Variants in BARD1 observed in about 807,000 individuals in gnomAD.
The protein encoded by BARD1 is BRCA1-associated RING domain protein 1.
A neutral mutation model predicts 77.0 loss-of-function variants in BARD1; 73 were observed. The observed-to-expected ratio is 0.95, with a 90% confidence interval of 0.79 to 1.15. The LOEUF (loss-of-function observed/expected upper bound fraction) is 1.15. Among genes scored for constraint, BARD1 ranks in the 50% most tolerant of loss-of-function variants. The pLI is 0.00. For synonymous variants in BARD1, 384 were observed against 338.0 expected, an observed-to-expected ratio of 1.14 and a Z score of -1.49; for missense variants, 993 against 938.8, an observed-to-expected ratio of 1.06 and a Z score of -0.75.
chr2:214,767,241 A>G (rs1694245378), intron 6 of BARD1, among the ~76,000 whole-genome samples: 1 of 152,096 alleles, frequency 6.6e-6, no homozygotes, highest in South Asian at 2.1e-4. Flanking sequence ...TTTCCCAATT[A>G]TTTTTGATCT....
chr2:214,808,236 C>T (rs1696366639), intron 1 of BARD1, among the ~76,000 whole-genome samples: 1 of 152,140 alleles, frequency 6.6e-6, no homozygotes, highest in African/African-American at 2.4e-5. Context: ...GGTGAAACCC[C>T]ATCTGTACTA....
At chr2:214,732,397 CTT>C (rs573147676) in intron 9 of BARD1, among the ~76,000 whole-genome samples, 2 of 142,020 alleles carry the variant, frequency 1.4e-5, no homozygotes. Context: ...ATTTTTTTTT[CTT>C]TTTTTTTTTT....
chr2:214,753,378 T>C (rs1174936266), intron 6 of BARD1, among the ~76,000 whole-genome samples: 4 of 152,190 alleles, frequency 2.6e-5, no homozygotes, highest in Non-Finnish European at 5.9e-5. Flanking sequence ...CAGAATATGA[T>C]TTAAATACAC....
intron 10 of BARD1, among the ~76,000 whole-genome samples, chr2:214,729,964 C>T (rs1039217329): frequency 3.9e-5 from 6 of 152,054 alleles, no homozygotes; most frequent in African/African-American, 1.4e-4. Flanking sequence ...CTTCCGTATG[C>T]TCGTTGGAAA....
intron 6 of BARD1, 150 bp downstream of exon 6, chr2:214,767,332 A>G (rs1244437131): frequency 1.2e-5 from 9 of 760,862 alleles, no homozygotes; most frequent in East Asian, 2.7e-5. Flanking sequence ...AAGGCTGATT[A>G]TGAGTGCAGA....
intron 5 of BARD1, among the ~76,000 whole-genome samples, 199 bp downstream of exon 5, chr2:214,769,033 A>G (rs943626627): frequency 6.6e-6 from 1 of 152,234 alleles, no homozygotes; most frequent in African/African-American, 2.4e-5. Context: ...GTAGTCTGTC[A>G]AAAGGTAACC....
Position 214,741,799 on chromosome 2 carries a change from T to A in BARD1, c.1903+3268A>T, listed in dbSNP as rs564366016. Reference sequence around the variant, plus strand: ...GAATCCTCATGCTAAGTTCATTAATTATGGCACTGTAAGATACTCTGTATA... The same window carrying A: ...GAATCCTCATGCTAAGTTCATTAATAATGGCACTGTAAGATACTCTGTATA... On this transcript the variant is annotated intron_variant, in intron 9 of 10. Coordinates refer to ENST00000260947, the MANE Select transcript of BARD1 (RefSeq NM_000465.4). Among the ~76,000 whole-genome samples the A allele has an allele frequency of 1.1e-4, 17 of 152,286 alleles. No individual in the cohort carries two copies. The East Asian group carries it at 2.9e-3, about 26-fold the overall frequency.
At chr2:214,779,410 C>T (rs567920231) in intron 4 of BARD1, among the ~76,000 whole-genome samples, 2 of 152,162 alleles carry the variant, frequency 1.3e-5, no homozygotes, top group South Asian at 2.1e-4. Context: ...TTTTTTATTG[C>T]GTATTGTTAT....
chr2:214,791,587 C>T (rs1216073023), intron 3 of BARD1, among the ~76,000 whole-genome samples: 1 of 152,162 alleles, frequency 6.6e-6, no homozygotes, highest in African/African-American at 2.4e-5. Context: ...GAAAGATACA[C>T]AGTTAATACA....
Position 214,809,478 on chromosome 2 carries a change from C to T in BARD1, c.92G>A (p.Arg31His). Reference sequence around the variant, plus strand: ...GGCGCGACTGTGGGCCCAGGCACCGCGACCATCCGGTTCCATGGCGGGCGC... The same window carrying T: ...GGCGCGACTGTGGGCCCAGGCACCGTGACCATCCGGTTCCATGGCGGGCGC... Reference protein sequence around the residue: ...RSAPAMEPDGRGAWAHSRAAL... With the variant: ...RSAPAMEPDGHGAWAHSRAAL... The change falls in exon 1 of 11, where the codon CGC becomes CAC. Residue 31 changes from arginine (R) to histidine (H), a missense_variant. Transcript: ENST00000260947. The T allele has an allele frequency of 6.2e-7, 1 of 1,609,930 alleles. No homozygotes were observed. Among genetic ancestry groups the T allele is most frequent in the Non-Finnish European group, 8.5e-7 (1 of 1,179,168 alleles).
intron 9 of BARD1, chr2:214,730,885 A>T (rs1328909651): frequency 2.2e-6 from 1 of 458,878 alleles, no homozygotes; most frequent in Non-Finnish European, 4.4e-6. Flanking sequence ...TCCATGACAC[A>T]ATAACCTAAA....
Position 214,769,296 on chromosome 2 carries a change from A to C in BARD1, c.1331T>G (p.Val444Gly), listed in dbSNP as rs1326325978. 1.2e-6 allele frequency: 2 copies of C among 1,613,276 alleles called. No homozygotes were observed. Among genetic ancestry groups the C allele is most frequent in the Non-Finnish European group, 1.7e-6 (2 of 1,179,342 alleles). The change falls in exon 5 of 11, where the codon GTT (valine) becomes GGT (glycine). Residue 444 changes from valine to glycine, a missense_variant. Val to Gly is a moderately radical substitution (Grantham distance 109, BLOSUM62 -3). Coordinates refer to ENST00000260947, the MANE Select transcript of BARD1 (RefSeq NM_000465.4). ...IASIKGDIPS[V>G]EYLLQNGSDP... ...ACTTCCATTTTGTAAAAGGTATTCA[A>C]CAGAAGGTATGTCGCCCTAGAAAAA...
At chr2:214,790,502 G>C (rs1463049450) in intron 3 of BARD1, among the ~76,000 whole-genome samples, 1 of 152,088 alleles carries the variant, frequency 6.6e-6, no homozygotes, top group Non-Finnish European at 1.5e-5. Flanking sequence ...GCCTAAAACA[G>C]GTTCTGTCTC....
intron 6 of BARD1, among the ~76,000 whole-genome samples, chr2:214,755,656 T>C (rs1289305338): frequency 6.6e-6 from 1 of 152,088 alleles, no homozygotes; most frequent in Non-Finnish European, 1.5e-5. Flanking sequence ...ATAAGCAACA[T>C]GATTACTGAA....
chr2:214,773,945 T>C (rs554660059), intron 4 of BARD1, among the ~76,000 whole-genome samples: 1 of 152,338 alleles, frequency 6.6e-6, no homozygotes, highest in African/African-American at 2.4e-5. Context: ...TCAACTAAGA[T>C]GATATAATTT....
At position 214,780,545 on chromosome 2, in the gene BARD1, G is replaced by C. The variant is rs772950179; in HGVS notation, c.1314+15C>G. On this transcript the variant is annotated intron_variant, in intron 4 of 10. Coordinates refer to ENST00000260947, the MANE Select transcript of BARD1 (RefSeq NM_000465.4). ...GGCCTCATTCTGAGATGGTATTTCA[G>C]AGTAAGCATCCTACCTTAATAGAAG... 5 of 1,608,472 alleles carry C rather than the reference G, an allele frequency of 3.1e-6. No homozygotes were observed. The highest frequency in any genetic ancestry group is 3.3e-5 in the Admixed American group (2 of 59,920).
intron 1 of BARD1, 76 bp downstream of exon 1, chr2:214,809,336 T>G: frequency 1.3e-6 from 2 of 1,584,780 alleles, no homozygotes; most frequent in East Asian, 2.3e-5. Context: ...AACGGAAGAT[T>G]TGAAAAGATT....
chr2:214,783,062 C>A (rs1695113020), intron 3 of BARD1, among the ~76,000 whole-genome samples: 1 of 152,148 alleles, frequency 6.6e-6, no homozygotes, highest in Non-Finnish European at 1.5e-5. Context: ...GGGACTGGTT[C>A]GAGAACTCCC....
intron 5 of BARD1, among the ~76,000 whole-genome samples, chr2:214,768,403 C>T (rs1024440732): frequency 4.6e-5 from 7 of 152,072 alleles, no homozygotes; most frequent in African/African-American, 1.7e-4. Flanking sequence ...AATCACTAAC[C>T]AATCTTTACT....
Sources: gnomAD v4.1 joint callset for allele counts (sites outside exome capture counted in the v4.1 genomes callset) on GRCh38, gnomAD v4.1.1 for gene constraint, MANE v1.5 for transcripts, NCBI Gene and HGNC (gene_info 2026-07-23, HGNC 2026-07-21) for gene names.